Variants in ZNF331 observed in about 807,000 individuals in gnomAD.
ZNF331 encodes C2H2-like zinc finger protein rearranged in thyroid adenomas.
In ZNF331, 2 loss-of-function variants were observed where a neutral mutation model predicts 7.0. That is an observed-to-expected ratio of 0.29 (90% CI 0.12 to 0.90). ZNF331 has a LOEUF of 0.90. Ranked by LOEUF, ZNF331 falls within the 40% of genes least tolerant of loss-of-function variation. The pLI, the probability that ZNF331 is intolerant of heterozygous loss-of-function variation, is 0.58. For synonymous variants in ZNF331, 196 were observed against 205.4 expected, an observed-to-expected ratio of 0.95 and a Z score of 0.39; for missense variants, 432 against 587.7, an observed-to-expected ratio of 0.74 and a Z score of 2.74.
chr19:53,513,007 T>C, the ZNF331 span, among the ~76,000 whole-genome samples: 8 of 151,762 alleles, frequency 5.3e-5, no homozygotes, highest in Non-Finnish European at 1.2e-4. Context: ...TCAGAATCGT[T>C]CCCACGGACC....
upstream of ZNF331, among the ~76,000 whole-genome samples, chr19:53,519,035 G>T (rs1249928166): frequency 1.3e-5 from 2 of 152,184 alleles, no homozygotes; most frequent in Non-Finnish European, 2.9e-5. Flanking sequence ...TTGGCAAAGT[G>T]CCCTGTGGAA....
chr19:53,573,764 T>C lies in ZNF331; in HGVS notation c.136+2034T>C, dbSNP rs913586491. On this transcript the variant is annotated intron_variant, in intron 5 of 5. Coordinates refer to ENST00000449416, the MANE Select transcript of ZNF331 (RefSeq NM_001079906.2). This position sits in a 1 kb window ranked among gnomAD's most constrained non-coding sequence, Gnocchi z 4.2. ...GATTACAGGCGTGAGCCACTGCACC[T>C]GGCTCAATAGCATTTTGACTTCTGG... 1.3e-5 allele frequency among the ~76,000 whole-genome samples: 2 copies of C among 152,156 alleles called. No individual in the cohort carries two copies. The highest frequency in any genetic ancestry group is 2.4e-5 in the African/African-American group (1 of 41,444).
chr19:53,510,168 A>T, the ZNF331 span, among the ~76,000 whole-genome samples: 1 of 152,232 alleles, frequency 6.6e-6, no homozygotes, highest in Admixed American at 6.5e-5. Flanking sequence ...TGTGGGCGTG[A>T]CAGTCTTTGC....
Position 53,577,571 on chromosome 19 carries a change from C to T in ZNF331, c.1011C>T (p.Arg337=), listed in dbSNP as rs1197343090. 2 of 1,613,354 alleles carry T rather than the reference C, an allele frequency of 1.2e-6. No homozygotes were observed. The highest frequency in any genetic ancestry group is 1.1e-5 in the South Asian group (1 of 91,030). Residue 337 remains arginine (R), a synonymous_variant, in exon 6 of 6, where the codon CGC becomes CGT. Transcript: ENST00000449416. Reference sequence around the variant, plus strand: ...GTAAGGAGTGTGGGAAGGCCTTTCGCTGGGGTTCGAGCCTCGTTAAGCACG... The same window carrying T: ...GTAAGGAGTGTGGGAAGGCCTTTCGTTGGGGTTCGAGCCTCGTTAAGCACG... The part of the protein sequence containing the change: ...HECKECGKAF[R]WGSSLVKHER...
rs548911426 is a variant in ZNF331 at position 53,577,478 on chromosome 19, G to A, written c.918G>A (p.Lys306=). The change falls in exon 6 of 6, where the codon AAG becomes AAA. Residue 306 remains lysine (K), a synonymous_variant. Transcript: ENST00000449416. ...CCTATGAATGTCAAGAATGTGGGAA[G>A]GCCTTTACTCGAGTCAATTACCTTA... The part of the protein sequence containing the change: ...EKPYECQECG[K]AFTRVNYLTQ... The A allele has an allele frequency of 4.1e-5, 66 of 1,614,188 alleles. 1 individual carries two copies. In the South Asian group the frequency reaches 6.9e-4, roughly 17 times the overall value.
intron 2 of ZNF331, among the ~76,000 whole-genome samples, chr19:53,524,846 G>C (rs1441125633): frequency 1.3e-5 from 2 of 152,064 alleles, no homozygotes; most frequent in African/African-American, 4.8e-5. Context: ...GCCCATGCCT[G>C]TGTCCTGAAT....
chr19:53,565,744 G>T (rs904601093), intron 3 of ZNF331, among the ~76,000 whole-genome samples: 3 of 151,886 alleles, frequency 2.0e-5, no homozygotes, highest in Non-Finnish European at 2.9e-5. Context: ...GGCCAGGCTG[G>T]TCTCAAACTC....
chr19:53,546,174 T>G (rs1429019563), intron 2 of ZNF331, among the ~76,000 whole-genome samples: 1 of 125,044 alleles, frequency 8.0e-6, no homozygotes, highest in Non-Finnish European at 1.9e-5. Flanking sequence ...ATTATTTAGG[T>G]TGGTGCAAAA....
chr19:53,547,333 G>T (rs1054474851), intron 2 of ZNF331, among the ~76,000 whole-genome samples: 1 of 152,112 alleles, frequency 6.6e-6, no homozygotes, highest in African/African-American at 2.4e-5. Context: ...ATGTCCTCCA[G>T]ATTTACCCAT....
chr19:53,508,993 C>T, the ZNF331 span, among the ~76,000 whole-genome samples: 1 of 152,116 alleles, frequency 6.6e-6, no homozygotes, highest in Non-Finnish European at 1.5e-5. Context: ...AATGGAGGGA[C>T]ATTCATCACC....
At chr19:53,523,833 T>C (rs2087185843) in intron 2 of ZNF331, among the ~76,000 whole-genome samples, 1 of 152,154 alleles carries the variant, frequency 6.6e-6, no homozygotes, top group Non-Finnish European at 1.5e-5. Context: ...AATCCATAGG[T>C]ATACATGTGC....
At position 53,539,969 on chromosome 19, in the gene ZNF331, CT is replaced by C. The variant is rs1008917713; in HGVS notation, c.-138+688del. 1.3e-5 allele frequency among the ~76,000 whole-genome samples: 2 copies of C among 152,312 alleles called. No homozygotes were observed. Among genetic ancestry groups the C allele is most frequent in the Admixed American group, 6.5e-5 (1 of 15,294 alleles). On this transcript the variant is annotated intron_variant, in intron 2 of 5. Transcript: ENST00000449416. The surrounding 1 kb of genome is among the most constrained non-coding windows in gnomAD (Gnocchi z 6.1). ...GCACCTGACATAATATTAAACACTACTAATAGTTATTAACAATAGTAAATGA... is the reference window on the plus strand; with the variant it reads ...GCACCTGACATAATATTAAACACTACAATAGTTATTAACAATAGTAAATGA...
chr19:53,563,862 C>T (rs940421354), intron 3 of ZNF331: 2 of 151,610 alleles, frequency 1.3e-5, no homozygotes, highest in African/African-American at 4.8e-5. Context: ...GTGGCAAAAC[C>T]CATCTCTACT....
chr19:53,522,554 G>A (rs1376141823), intron 1 of ZNF331: 1 of 152,068 alleles, frequency 6.6e-6, no homozygotes, highest in African/African-American at 2.4e-5. Flanking sequence ...ATTTTCTAAC[G>A]TAGCTTGTGA....
chr19:53,544,678 A>T (rs764484081), intron 2 of ZNF331, among the ~76,000 whole-genome samples: 1 of 152,082 alleles, frequency 6.6e-6, no homozygotes, highest in Non-Finnish European at 1.5e-5. Flanking sequence ...GAAATCATAG[A>T]TAAGATCAAG....
Position 53,558,703 on chromosome 19 carries a change from G to A in ZNF331, c.-74+2795G>A, listed in dbSNP as rs1399963180. On this transcript the variant is annotated intron_variant, in intron 3 of 5. Transcript: ENST00000449416. This position sits in a 1 kb window ranked among gnomAD's most constrained non-coding sequence, Gnocchi z 4.5. ...AGATGAGAGAGAGATTCTGCTTCCC[G>A]AGGCCTGCTTCTGAGGCTGAAAGTG... 2.0e-5 allele frequency among the ~76,000 whole-genome samples: 3 copies of A among 151,830 alleles called. No homozygotes were observed. Among genetic ancestry groups the A allele is most frequent in the African/African-American group, 4.8e-5 (2 of 41,260 alleles).
chr19:53,543,609 C>G (rs1006753284), intron 2 of ZNF331, among the ~76,000 whole-genome samples: 3 of 152,054 alleles, frequency 2.0e-5, no homozygotes, highest in African/African-American at 7.2e-5. Flanking sequence ...AAAAGAAAAA[C>G]TTTTTTTAAA....
upstream of ZNF331, among the ~76,000 whole-genome samples, chr19:53,514,652 C>T (rs1372165960): frequency 6.0e-5 from 8 of 132,980 alleles, no homozygotes; most frequent in Admixed American, 3.2e-4. Flanking sequence ...AAGCCTTCTC[C>T]TTTTTTTTTT....
upstream of ZNF331, among the ~76,000 whole-genome samples, chr19:53,515,216 T>G (rs1166677785): frequency 6.6e-6 from 1 of 152,190 alleles, no homozygotes; most frequent in African/African-American, 2.4e-5. Context: ...AATGCATTAC[T>G]TAAAACTGCA....
Sources: allele counts gnomAD v4.1 joint callset (sites outside exome capture counted in the v4.1 genomes callset), GRCh38; gene constraint gnomAD v4.1.1; non-coding constraint Gnocchi (gnomAD v3.1); transcripts MANE v1.5; gene names NCBI Gene and HGNC (gene_info 2026-07-23, HGNC 2026-07-21).